The following RBFOX1 variants were observed in gnomAD, a reference collection of about 807,000 sequenced individuals.
The protein encoded by RBFOX1 is RNA binding fox-1 homolog 1.
In RBFOX1, 8 loss-of-function variants were observed where a neutral mutation model predicts 57.7. That is an observed-to-expected ratio of 0.14 (90% CI 0.08 to 0.25). The LOEUF is 0.25. RBFOX1 is among the 10% of genes least tolerant of loss of function. The pLI, the probability that RBFOX1 is intolerant of heterozygous loss-of-function variation, is 1.00. For synonymous variants in RBFOX1, 326 were observed against 222.4 expected (o/e 1.47, Z -4.15); for missense variants, 611 against 548.5 (o/e 1.11, Z -1.14).
At chr16:6,446,245 C>T (rs1186815169) in intron 2 of RBFOX1, among the ~76,000 whole-genome samples, 1 of 151,838 alleles carries the variant, frequency 6.6e-6, no homozygotes, top group African/African-American at 2.4e-5. Context: ...CCCAAGCAGT[C>T]CTCCTGCTTA....
intron 1 of RBFOX1, among the ~76,000 whole-genome samples, chr16:5,388,980 A>G (rs1567433415): frequency 6.6e-6 from 1 of 151,524 alleles, no homozygotes; most frequent in East Asian, 2.0e-4. Flanking sequence ...TCACGAGGTC[A>G]GGAGATCGAG....
intron 4 of RBFOX1, among the ~76,000 whole-genome samples, chr16:7,319,070 C>T (rs1320128629): frequency 1.3e-5 from 2 of 152,088 alleles, no homozygotes; most frequent in African/African-American, 4.8e-5. Context: ...CAATTTTTTT[C>T]TTCTTTCTTT....
chr16:5,675,204 A>C (rs568212393), intron 3 of RBFOX1, among the ~76,000 whole-genome samples: 3 of 152,076 alleles, frequency 2.0e-5, no homozygotes, highest in Non-Finnish European at 4.4e-5. Context: ...CCACATGCAC[A>C]TGCATGTACT....
At chr16:6,711,727 C>A (rs1397131359) in intron 3 of RBFOX1, among the ~76,000 whole-genome samples, 2 of 152,152 alleles carry the variant, frequency 1.3e-5, no homozygotes, top group Non-Finnish European at 2.9e-5. Flanking sequence ...TGAGAATGGA[C>A]CGATACACTC....
intron 3 of RBFOX1, among the ~76,000 whole-genome samples, chr16:6,800,804 A>G (rs1253744591): frequency 6.6e-6 from 1 of 152,064 alleles, no homozygotes; most frequent in Non-Finnish European, 1.5e-5. Flanking sequence ...CTAAAATCTC[A>G]TGTGAGTGAC....
rs528450253 is a variant in RBFOX1, at chr16:5,633,058, C to T, written c.318+34097C>T. 3.4e-3 allele frequency among the ~76,000 whole-genome samples: 510 copies of T among 151,850 alleles called. 6 individuals are homozygous for T. Among genetic ancestry groups the T allele is most frequent in the Non-Finnish European group, 5.3e-3 (358 of 67,990 alleles). ...AGTTCAAGTGATTCTCCTGCCTCAG[C>T]CTCCTGAGTAGCTGGGACTGTAGGC... is the stretch of plus-strand genomic sequence containing the variant. On this transcript the variant is annotated intron_variant, in intron 3 of 19. Coordinates refer to the RBFOX1 transcript ENST00000641259.
intron 3 of RBFOX1, among the ~76,000 whole-genome samples, chr16:6,954,110 T>A (rs2081298891): frequency 6.6e-6 from 1 of 152,170 alleles, no homozygotes; most frequent in Admixed American, 6.5e-5. Flanking sequence ...ACTTAAGGTG[T>A]CAGTCACCTT....
chr16:5,303,650 G>A (rs2063860199), intron 1 of RBFOX1, among the ~76,000 whole-genome samples: 1 of 151,714 alleles, frequency 6.6e-6, no homozygotes, highest in African/African-American at 2.4e-5. Context: ...CACAGTGCAT[G>A]TTATAGGAAA....
At chr16:6,268,847 C>G (rs894615542) in intron 1 of RBFOX1, among the ~76,000 whole-genome samples, 2 of 152,130 alleles carry the variant, frequency 1.3e-5, no homozygotes, top group East Asian at 1.9e-4. Context: ...AACAAAATGC[C>G]TAAACAGAAG....
chr16:6,775,061 C>T (rs146644312), intron 3 of RBFOX1, among the ~76,000 whole-genome samples: 7,985 of 151,716 alleles, frequency 0.053, 314 homozygotes, highest in Middle Eastern at 0.11. Context: ...CGCAGTGGCT[C>T]ACGCCTGTAA....
chr16:6,523,907 A>G (rs1028868212), intron 2 of RBFOX1, among the ~76,000 whole-genome samples: 2 of 152,290 alleles, frequency 1.3e-5, no homozygotes, highest in African/African-American at 4.8e-5. Flanking sequence ...TACTTATGGG[A>G]TGCATGAGAC....
intron 4 of RBFOX1, among the ~76,000 whole-genome samples, chr16:7,423,296 T>C (rs114910482): frequency 6.6e-6 from 1 of 152,086 alleles, no homozygotes; most frequent in Non-Finnish European, 1.5e-5. Flanking sequence ...GTTAACTGAT[T>C]AGGTATTTTC....
chr16:5,870,440 C>G (rs1361146309), intron 4 of RBFOX1, among the ~76,000 whole-genome samples: 2 of 147,238 alleles, frequency 1.4e-5, no homozygotes, highest in East Asian at 4.0e-4. Context: ...AATGTATCAA[C>G]CAGGATGATG....
At chr16:6,602,740 A>G (rs1038766082) in intron 2 of RBFOX1, among the ~76,000 whole-genome samples, 2 of 137,190 alleles carry the variant, frequency 1.5e-5, no homozygotes, top group Non-Finnish European at 3.2e-5. Context: ...TTTTTTTTCC[A>G]CTTGCTGCTT....
At chr16:6,330,816 T>G (rs1430805018) in intron 2 of RBFOX1, among the ~76,000 whole-genome samples, 1 of 152,240 alleles carries the variant, frequency 6.6e-6, no homozygotes, top group Non-Finnish European at 1.5e-5. Context: ...TGTGGCCATT[T>G]AATGTAGGTG....
At chr16:6,544,120 T>C (rs1165497750) in intron 2 of RBFOX1, among the ~76,000 whole-genome samples, 1 of 152,204 alleles carries the variant, frequency 6.6e-6, no homozygotes, top group Non-Finnish European at 1.5e-5. Context: ...TATCTGTCTT[T>C]GCATCCCCAG....
At chr16:6,514,333 C>T (rs1558346) in intron 2 of RBFOX1, among the ~76,000 whole-genome samples, 19,488 of 152,082 alleles carry the variant, frequency 0.13, 2,037 homozygotes, top group East Asian at 0.42. Flanking sequence ...TGTAGTATGG[C>T]GTGGAGGCTT....
rs190319498 is a variant in RBFOX1 at position 6,816,831 on chromosome 16, A to C, written c.-16+162181A>C. Among the ~76,000 whole-genome samples, 901 of 152,034 alleles carry C rather than the reference A, an allele frequency of 5.9e-3. 12 individuals are homozygous for C. The highest frequency in any genetic ancestry group is 0.02 in the African/African-American group (816 of 41,474). ...GCAATCATATCTCACTGCAGTCTCA[A>C]ACTCCTGGGCTCAAACAGTCCTCCC... On this transcript the variant is annotated intron_variant, in intron 3 of 15. Transcript: ENST00000550418.
intron 4 of RBFOX1, among the ~76,000 whole-genome samples, chr16:7,516,458 T>G (rs2076374278): frequency 6.6e-6 from 1 of 152,138 alleles, no homozygotes; most frequent in South Asian, 2.1e-4. Flanking sequence ...AAAAGGAAAC[T>G]GGGGCTTTGT....
Sources: gnomAD v4.1 joint callset for allele counts (sites outside exome capture counted in the v4.1 genomes callset) on GRCh38, gnomAD v4.1.1 for gene constraint, MANE v1.5 for transcripts, NCBI Gene and HGNC (gene_info 2026-07-23, HGNC 2026-07-21) for gene names.